The following PRDM11 variants were observed in gnomAD, a reference collection of about 807,000 sequenced individuals.
The protein encoded by PRDM11 is PR/SET domain 11, also known as PR domain-containing protein 11.
Under a neutral mutation model 97.8 loss-of-function variants are expected in PRDM11, and 20 were observed. The observed-to-expected ratio is 0.20, with a 90% confidence interval of 0.14 to 0.30. PRDM11 has a LOEUF of 0.30. Ranked by LOEUF, PRDM11 falls within the 10% of genes least tolerant of loss-of-function variation. The pLI, the probability that PRDM11 is intolerant of heterozygous loss-of-function variation, is 1.00. For synonymous variants in PRDM11, 599 were observed against 637.7 expected, an observed-to-expected ratio of 0.94 and a Z score of 0.91; for missense variants, 1,139 against 1,555.2, an observed-to-expected ratio of 0.73 and a Z score of 4.50.
intron 1 of PRDM11, among the ~76,000 whole-genome samples, chr11:45,174,864 A>G (rs1346171414): frequency 6.6e-6 from 1 of 152,240 alleles, no homozygotes; most frequent in Non-Finnish European, 1.5e-5. Context: ...ACAGATCTGC[A>G]TCATTATGTA....
chr11:45,168,727 C>T (rs958567258), intron 1 of PRDM11, among the ~76,000 whole-genome samples: 3 of 152,180 alleles, frequency 2.0e-5, no homozygotes, highest in African/African-American at 7.2e-5. Flanking sequence ...GCTGGCTAGA[C>T]GAGGACACAC....
chr11:45,119,881 G>T (rs1852391801), intron 1 of PRDM11, among the ~76,000 whole-genome samples: 1 of 152,084 alleles, frequency 6.6e-6, no homozygotes, highest in African/African-American at 2.4e-5. Flanking sequence ...GCAAGGAAGG[G>T]GGAAAATGTG....
intron 4 of PRDM11, among the ~76,000 whole-genome samples, chr11:45,202,219 G>T (rs1853354917): frequency 6.6e-6 from 1 of 152,182 alleles, no homozygotes; most frequent in Non-Finnish European, 1.5e-5. Context: ...AGGAACCAGG[G>T]CCACCATTGT....
chr11:45,161,619 G>A (rs778567137), intron 1 of PRDM11, among the ~76,000 whole-genome samples: 1 of 152,252 alleles, frequency 6.6e-6, no homozygotes, highest in Non-Finnish European at 1.5e-5. Flanking sequence ...GCAGTCTGGG[G>A]CCAGCCTTTC....
Position 45,224,310 on chromosome 11 carries a change from G to C in PRDM11, c.836G>C (p.Gly279Ala). Residue 279 changes from glycine to alanine, a missense_variant, in exon 7 of 8, where the codon GGC becomes GCC. Around this residue, in one of 2 missense-constraint regions of PRDM11, gnomAD observed 429 missense variants for 510.3 expected, o/e 0.84. Coordinates refer to ENST00000683152, the MANE Select transcript of PRDM11 (RefSeq NM_001384648.1). ...GPIHLSVLRQGKSPYKRGFDE... is the reference protein window; with the variant it reads ...GPIHLSVLRQAKSPYKRGFDE... ...ATTCATCTCTCTGTGCTGAGACAGG[G>C]CAAAAGTCCCTACAAGCGTGGCTTT... The C allele has an allele frequency of 6.2e-7, 1 of 1,614,160 alleles. No homozygotes were observed. Among genetic ancestry groups the C allele is most frequent in the Non-Finnish European group, 8.5e-7 (1 of 1,180,024 alleles).
chr11:45,104,858 G>A (rs542396109), intron 1 of PRDM11, among the ~76,000 whole-genome samples: 23 of 152,188 alleles, frequency 1.5e-4, no homozygotes, highest in Admixed American at 1.2e-3. Flanking sequence ...TGTCCAAGCA[G>A]CTTCCCAGGC....
intron 1 of PRDM11, among the ~76,000 whole-genome samples, chr11:45,133,596 G>C (rs1483609144): frequency 6.6e-6 from 1 of 152,170 alleles, no homozygotes; most frequent in Non-Finnish European, 1.5e-5. Context: ...GCTCAAACCA[G>C]TGTTCGCTGA....
At position 45,231,271 on chromosome 11, in the gene PRDM11, C is replaced by G. The variant is rs1045348708; in HGVS notation, c.*3112C>G. 5 of 152,076 alleles carry G rather than the reference C, an allele frequency of 3.3e-5. No homozygotes were observed. The highest frequency in any genetic ancestry group is 7.4e-5 in the Non-Finnish European group (5 of 68,024). 9.4% of individuals were successfully genotyped at this position (152,076 alleles called of 1,614,324 possible). ...GTCCTGTGAATTCTGCATGTGATTA[C>G]CCATGATTTCTGTCATAGGCATTTC... On this transcript the variant is annotated 3_prime_UTR_variant, in exon 8 of 8. Transcript: ENST00000683152.
chr11:45,145,617 G>A (rs911390328), upstream of PRDM11, among the ~76,000 whole-genome samples: 1 of 152,174 alleles, frequency 6.6e-6, no homozygotes, highest in Admixed American at 6.5e-5. Context: ...ACCAACTGGG[G>A]TTTACTGCCC....
intron 1 of PRDM11, among the ~76,000 whole-genome samples, chr11:45,099,291 A>G (rs1851932541): frequency 6.6e-6 from 1 of 151,956 alleles, no homozygotes; most frequent in Non-Finnish European, 1.5e-5. Context: ...TGTCTCTACT[A>G]AAGATACAAA....
In PRDM11 at chr11:45,230,872, C is replaced by T. The variant is rs1854387149; in HGVS notation, c.*2713C>T. 6.6e-6 allele frequency: 1 copy of T among 152,254 alleles called. No individual in the cohort carries two copies. The highest frequency in any genetic ancestry group is 2.1e-4 in the South Asian group (1 of 4,836). The allele number at this position is 152,254 out of a possible 1,614,324, so 9.4% of individuals were successfully genotyped here. ...GGCCAAAATGAGCTAAAATCTTCAG[C>T]TAGAAGGGGAAAAGCTTATGGGCCA... is the stretch of plus-strand genomic sequence containing the variant. On this transcript the variant is annotated 3_prime_UTR_variant, in exon 8 of 8. Coordinates refer to ENST00000683152, the MANE Select transcript of PRDM11 (RefSeq NM_001384648.1).
chr11:45,222,842 A>G (rs1854156965), intron 6 of PRDM11, among the ~76,000 whole-genome samples: 2 of 152,190 alleles, frequency 1.3e-5, no homozygotes. Flanking sequence ...GTCATTGTTC[A>G]GCGGCACATC....
intron 4 of PRDM11, among the ~76,000 whole-genome samples, chr11:45,194,800 G>A (rs940724479): frequency 9.9e-5 from 15 of 151,156 alleles, no homozygotes; most frequent in Middle Eastern, 3.4e-3. Context: ...GGGTTTCACC[G>A]TTTTAGCCGG....
intron 1 of PRDM11, among the ~76,000 whole-genome samples, chr11:45,176,112 T>C (rs1221005312): frequency 6.6e-6 from 1 of 152,182 alleles, no homozygotes; most frequent in East Asian, 1.9e-4. Flanking sequence ...CCGGGTGTGG[T>C]AGCTCATGCC....
chr11:45,183,170 G>A (rs1395446490), intron 4 of PRDM11, 47 bp downstream of exon 4: 1 of 1,571,832 alleles, frequency 6.4e-7, no homozygotes, highest in Admixed American at 1.8e-5. Flanking sequence ...CAAGAAACAT[G>A]GAAGGAAACC....
intron 1 of PRDM11, among the ~76,000 whole-genome samples, chr11:45,170,954 C>G (rs538671825): frequency 6.6e-6 from 1 of 152,314 alleles, no homozygotes; most frequent in South Asian, 2.1e-4. Context: ...CACCCCATCC[C>G]CCTCCATGGG....
chr11:45,130,086 A>G (rs1852684987), intron 1 of PRDM11, among the ~76,000 whole-genome samples: 1 of 152,118 alleles, frequency 6.6e-6, no homozygotes, highest in Non-Finnish European at 1.5e-5. Context: ...TTCATATGGG[A>G]AAAAAATGAA....
At chr11:45,125,363 A>AT (rs1340191330) in intron 1 of PRDM11, among the ~76,000 whole-genome samples, 8 of 151,870 alleles carry the variant, frequency 5.3e-5, no homozygotes, top group Non-Finnish European at 1.2e-4. Flanking sequence ...GATTTTGGTT[A>AT]TTTCTTGCCT....
chr11:45,213,101 C>T (rs981230228), intron 5 of PRDM11: 1 of 455,462 alleles, frequency 2.2e-6, no homozygotes, highest in Non-Finnish European at 4.4e-6. Flanking sequence ...GGCCTCACAA[C>T]AGGGGCCAGT....
Sources: gnomAD v4.1 joint callset for allele counts (sites outside exome capture counted in the v4.1 genomes callset) on GRCh38, gnomAD v4.1.1 for gene constraint, gnomAD v4.1.1 regional missense constraint, MANE v1.5 for transcripts, NCBI Gene and HGNC (gene_info 2026-07-23, HGNC 2026-07-21) for gene names.